The following ACTN4 variants were observed in gnomAD, a reference collection of about 807,000 sequenced individuals.
ACTN4 encodes actinin alpha 4.
Under a neutral mutation model 114.2 loss-of-function variants are expected in ACTN4, and 18 were observed. The observed-to-expected ratio is 0.16, with a 90% CI of 0.11 to 0.23. The LOEUF (loss-of-function observed/expected upper bound fraction) is 0.23, where lower values mean the gene tolerates loss of function less well. ACTN4 is among the 10% of genes least tolerant of loss of function. The pLI is 1.00. For synonymous variants in ACTN4, 515 were observed against 506.3 expected, an observed-to-expected ratio of 1.02 and a Z score of -0.23; for missense variants, 722 against 1,262.9, an observed-to-expected ratio of 0.57 and a Z score of 6.49.
chr19:38,716,105 A>C (rs1363523316), intron 9 of ACTN4, among the ~76,000 whole-genome samples: 1 of 152,048 alleles, frequency 6.6e-6, no homozygotes, highest in Non-Finnish European at 1.5e-5. Flanking sequence ...GGGTTTCACC[A>C]TGTTGGTCAG....
chr19:38,712,021 G>C (rs1214433081), intron 8 of ACTN4, among the ~76,000 whole-genome samples: 4 of 152,220 alleles, frequency 2.6e-5, no homozygotes, highest in African/African-American at 9.6e-5. Flanking sequence ...CAGCATTCCC[G>C]ATGCCTGCTT....
Position 38,730,650 on chromosome 19 carries a change from C to A in ACTN4, c.*1218C>A. On this transcript the variant is annotated 3_prime_UTR_variant, in exon 21 of 21. Transcript: ENST00000252699. ...CGTGGACTAGCTCGTGTCATCTGCTCGAGAAGGGCTGTCGCTGTTCTTGTT... is the reference window on the plus strand; with the variant it reads ...CGTGGACTAGCTCGTGTCATCTGCTAGAGAAGGGCTGTCGCTGTTCTTGTT... The A allele has an allele frequency of 1.6e-6, 1 of 642,594 alleles. No homozygotes were observed. Among genetic ancestry groups the A allele is most frequent in the South Asian group, 1.8e-5 (1 of 54,122 alleles). 39.8% of individuals were successfully genotyped at this position (642,594 alleles called of 1,614,324 possible). A position where few individuals can be genotyped will look rare whatever the true frequency, so the allele number is the denominator to read the frequency against.
intron 1 of ACTN4, among the ~76,000 whole-genome samples, chr19:38,685,884 C>CA (rs1967726666): frequency 6.6e-6 from 1 of 152,158 alleles, no homozygotes; most frequent in Non-Finnish European, 1.5e-5. Context: ...TTGTCAAAGA[C>CA]AAAACCCTTA....
Position 38,730,194 on chromosome 19 carries a change from G to A in ACTN4, c.*762G>A. ...AAAGAAAGAATTAAAAACTTTCAGA[G>A]AATTACTATTTACTTTATTAACTTA... is the stretch of plus-strand genomic sequence containing the variant. On this transcript the variant is annotated 3_prime_UTR_variant, in exon 21 of 21. Coordinates refer to ENST00000252699, the MANE Select transcript of ACTN4 (RefSeq NM_004924.6). 1 of 153,904 alleles carries A rather than the reference G, an allele frequency of 6.5e-6. No homozygotes were observed. The highest frequency in any genetic ancestry group is 1.9e-4 in the East Asian group (1 of 5,134). The allele number at this position is 153,904 out of a possible 1,614,324, so 9.5% of individuals were successfully genotyped here. A position where few individuals can be genotyped will look rare whatever the true frequency, so the allele number is the denominator to read the frequency against.
At chr19:38,728,488 C>T (rs915416347) in intron 19 of ACTN4, 13 of 811,274 alleles carry the variant, frequency 1.6e-5, no homozygotes, top group South Asian at 9.4e-5. Context: ...AGAGCTTCCT[C>T]GTCCTCGGGG....
chr19:38,686,642 A>AG (rs1360980089), intron 1 of ACTN4, among the ~76,000 whole-genome samples: 1 of 152,222 alleles, frequency 6.6e-6, no homozygotes, highest in African/African-American at 2.4e-5. Context: ...CTCTGCCTGG[A>AG]GGGCTGAGCA....
rs753091185 is a variant in ACTN4, at chr19:38,729,316, G to A, written c.2620G>A (p.Asp874Asn). The change falls in exon 21 of 21, where the codon GAC (aspartate) becomes AAC (asparagine). Residue 874 changes from aspartate to asparagine, a missense_variant. Around this residue, in one of 3 missense-constraint regions of ACTN4, gnomAD observed 523 missense variants for 875.9 expected, o/e 0.60. Coordinates refer to ENST00000252699, the MANE Select transcript of ACTN4 (RefSeq NM_004924.6). Reference sequence around the variant, plus strand: ...GGAGCTGCGGAGAGAGCTGCCCCCCGACCAGGCCGAGTACTGCATCGCCCG... The same window carrying A: ...GGAGCTGCGGAGAGAGCTGCCCCCCAACCAGGCCGAGTACTGCATCGCCCG... ...AEELRRELPP[D>N]QAEYCIARMA... 5.9e-5 allele frequency: 95 copies of A among 1,612,876 alleles called. No individual in the cohort carries two copies. Among genetic ancestry groups the A allele is most frequent in the Non-Finnish European group, 7.5e-5 (88 of 1,179,994 alleles).
chr19:38,673,692 TATATATA>T (rs1967268737), intron 1 of ACTN4, among the ~76,000 whole-genome samples: 5 of 74,544 alleles, frequency 6.7e-5, no homozygotes, highest in Admixed American at 3.5e-4. Context: ...TTATATATAT[TATATATA>T]TTTATATATT....
chr19:38,670,744 G>A (rs1044465008), intron 1 of ACTN4, among the ~76,000 whole-genome samples: 5 of 152,088 alleles, frequency 3.3e-5, no homozygotes, highest in African/African-American at 1.2e-4. Flanking sequence ...CCAACATGGT[G>A]AAACCCCATC....
In ACTN4 at chr19:38,673,690, ATTATATATAT is replaced by A. The variant is rs1459098971; in HGVS notation, c.162+25792_162+25801del. ...TATATATATTTATATATTTATATAT[ATTATATATAT>A]TTATATATTTATATATTTATATATA... On this transcript the variant is annotated intron_variant, in intron 1 of 20. Transcript: ENST00000252699. Among the ~76,000 whole-genome samples, 5 of 68,556 alleles carry A rather than the reference ATTATATATAT, an allele frequency of 7.3e-5. 2 individuals carry two copies. The highest frequency in any genetic ancestry group is 1.4e-4 in the Non-Finnish European group (5 of 36,382). The allele number at this position is 68,556 out of a possible 152,430, so 45.0% of individuals were successfully genotyped here.
intron 1 of ACTN4, among the ~76,000 whole-genome samples, chr19:38,663,862 A>T (rs918350489): frequency 1.3e-5 from 2 of 152,172 alleles, no homozygotes; most frequent in Non-Finnish European, 2.9e-5. Context: ...TCTTCTCCCC[A>T]GGTGGGAGGG....
chr19:38,672,023 C>T (rs1434796787), intron 1 of ACTN4, among the ~76,000 whole-genome samples: 1 of 152,024 alleles, frequency 6.6e-6, no homozygotes, highest in Non-Finnish European at 1.5e-5. Flanking sequence ...GGGCTTTCCA[C>T]CCAGAAAAAG....
intron 1 of ACTN4, among the ~76,000 whole-genome samples, chr19:38,689,109 G>A (rs554728908): frequency 6.6e-6 from 1 of 152,122 alleles, no homozygotes; most frequent in African/African-American, 2.4e-5. Context: ...TTGAAAACAT[G>A]TCCACATAAA....
At chr19:38,649,729 G>C (rs865966268) in intron 1 of ACTN4, among the ~76,000 whole-genome samples, 3 of 152,102 alleles carry the variant, frequency 2.0e-5, no homozygotes, top group Admixed American at 2.0e-4. Context: ...TCGAGGGCGC[G>C]AGTTGGTGGC....
At chr19:38,726,909 G>A in intron 17 of ACTN4, 48 bp from the exon 18 acceptor site, 1 of 1,611,500 alleles carries the variant, frequency 6.2e-7, no homozygotes. Flanking sequence ...CCACGGTGAG[G>A]ACAGTTCACA....
Position 38,723,993 on chromosome 19 carries a change from C to G in ACTN4, c.1608C>G (p.Arg536=). The part of the protein sequence containing the change: ...IDQLHLEYAK[R]AAPFNNWMES... Reference sequence around the variant, plus strand: ...AGCTGCACCTGGAATACGCCAAGCGCGCGGCCCCCTTCAACAACTGGATGG... The same window carrying G: ...AGCTGCACCTGGAATACGCCAAGCGGGCGGCCCCCTTCAACAACTGGATGG... Residue 536 remains arginine, a synonymous_variant, in exon 14 of 21, where the codon CGC becomes CGG. Transcript: ENST00000252699. 6.2e-7 allele frequency: 1 copy of G among 1,613,828 alleles called. No individual in the cohort carries two copies. The highest frequency in any genetic ancestry group is 8.5e-7 in the Non-Finnish European group (1 of 1,180,010).
At chr19:38,721,715 T>C in intron 12 of ACTN4, 27 bp downstream of exon 12, 8 of 1,608,912 alleles carry the variant, frequency 5.0e-6, no homozygotes, top group Non-Finnish European at 4.2e-6. Context: ...GACACTATCA[T>C]CACCTGGCTC....
intron 8 of ACTN4, 80 bp from the exon 9 acceptor site, chr19:38,714,389 C>T: frequency 7.6e-7 from 1 of 1,322,594 alleles, no homozygotes; most frequent in East Asian, 2.4e-5. Context: ...GGCCATGGAC[C>T]AGCTGCTTTC....
chr19:38,723,634 C>A lies in ACTN4; in HGVS notation c.1463C>A (p.Ser488Tyr). Reference sequence around the variant, plus strand: ...CGCAGCGAGCTGGATTACTACGACTCCCACAATGTCAACACCCGGTGCCAG... The same window carrying A: ...CGCAGCGAGCTGGATTACTACGACTACCACAATGTCAACACCCGGTGCCAG... ...QELNELDYYD[S>Y]HNVNTRCQKI... Residue 488 changes from serine to tyrosine, a missense_variant, in exon 13 of 21, where the codon TCC (serine) becomes TAC (tyrosine). Physicochemically the swap from Ser to Tyr is moderately radical, Grantham distance 144. Around this residue, in one of 3 missense-constraint regions of ACTN4, gnomAD observed 523 missense variants for 875.9 expected, o/e 0.60. Coordinates refer to ENST00000252699, the MANE Select transcript of ACTN4 (RefSeq NM_004924.6). 1 of 1,613,080 alleles carries A rather than the reference C, an allele frequency of 6.2e-7. No individual in the cohort carries two copies. Among genetic ancestry groups the A allele is most frequent in the Non-Finnish European group, 8.5e-7 (1 of 1,179,640 alleles).
Sources: allele counts gnomAD v4.1 joint callset (sites outside exome capture counted in the v4.1 genomes callset), GRCh38; gene constraint gnomAD v4.1.1; regional missense constraint gnomAD v4.1.1; transcripts MANE v1.5; gene names NCBI Gene and HGNC (gene_info 2026-07-23, HGNC 2026-07-21).